Variants in CLVS1 observed in about 807,000 individuals in gnomAD.
The protein encoded by CLVS1 is clavesin-1.
Under a neutral mutation model 33.1 loss-of-function variants are expected in CLVS1, and 10 were observed. The ratio of observed to expected loss-of-function variants is 0.30; its 90% CI spans 0.19 to 0.51. The LOEUF (loss-of-function observed/expected upper bound fraction) is 0.51. CLVS1 is among the 20% of genes least tolerant of loss of function. CLVS1 has a pLI of 0.97. For missense variants in CLVS1, 343 were observed against 433.4 expected (o/e 0.79, Z 1.85); for synonymous variants, 163 against 166.1 (o/e 0.98, Z 0.14).
At chr8:61,075,682 T>C (rs1804897278) in intron 1 of CLVS1, among the ~76,000 whole-genome samples, 2 of 152,238 alleles carry the variant, frequency 1.3e-5, no homozygotes, top group Non-Finnish European at 2.9e-5. Context: ...TACACCCTTT[T>C]TCACCTTCCC....
intron 3 of CLVS1, among the ~76,000 whole-genome samples, chr8:61,438,287 C>T (rs1248935250): frequency 1.3e-5 from 2 of 152,108 alleles, no homozygotes; most frequent in African/African-American, 4.8e-5. Context: ...TGTTTGGTTT[C>T]CTGTTCCTGG....
Position 61,479,347 on chromosome 8 carries a change from T to G in CLVS1, c.978-20108T>G, listed in dbSNP as rs138711304. ...TTTCATTCATTTCATTTTTCATCGC[T>G]GATACCCTTTCTTCCAGTTGATCGC... On this transcript the variant is annotated intron_variant, in intron 5 of 5. Transcript: ENST00000325897. Among the ~76,000 whole-genome samples the G allele has an allele frequency of 4.1e-3, 621 of 152,334 alleles. 4 individuals carry two copies. Among genetic ancestry groups the G allele is most frequent in the African/African-American group, 0.014 (562 of 41,568 alleles).
chr8:61,179,785 G>A (rs1807194495), intron 2 of CLVS1, among the ~76,000 whole-genome samples: 1 of 152,070 alleles, frequency 6.6e-6, no homozygotes, highest in Non-Finnish European at 1.5e-5. Context: ...AGACGTTCTT[G>A]GAAACCAATG....
chr8:61,050,374 C>T, the CLVS1 span, among the ~76,000 whole-genome samples: 3 of 152,216 alleles, frequency 2.0e-5, no homozygotes, highest in Admixed American at 6.5e-5. Context: ...CCCCAATCTA[C>T]GAGGACTCTA....
chr8:61,475,483 C>G (rs188797188), intron 5 of CLVS1, among the ~76,000 whole-genome samples: 4,122 of 152,284 alleles, frequency 0.027, 79 homozygotes, highest in South Asian at 0.065. Context: ...TTAATGATCG[C>G]CATTCTAACT....
intron 1 of CLVS1, among the ~76,000 whole-genome samples, chr8:61,068,769 C>A (rs911069622): frequency 2.6e-5 from 4 of 152,166 alleles, no homozygotes; most frequent in Admixed American, 6.5e-5. Flanking sequence ...GGGTTTGCAT[C>A]CTCTTGTCCT....
In CLVS1 at chr8:61,299,943, G is replaced by T. The variant is rs187032551; in HGVS notation, c.116G>T (p.Arg39Leu). 10 of 1,613,856 alleles carry T rather than the reference G, an allele frequency of 6.2e-6. No homozygotes were observed. The highest frequency in any genetic ancestry group is 8.5e-6 in the Non-Finnish European group (10 of 1,179,972). The change falls in exon 2 of 6, where the codon CGC (arginine) becomes CTC (leucine). Residue 39 changes from arginine (R) to leucine (L), a missense_variant. By Grantham distance (102) the Arg-to-Leu change is moderately radical. This residue lies in a region of CLVS1 where 88 missense variants were observed against 77.3 expected (regional missense o/e 1.14). Coordinates refer to ENST00000325897, the MANE Select transcript of CLVS1 (RefSeq NM_173519.3). ...GLSPETIEKA[R>L]LELNENPDVL... ...AGTCCAGAGACTATAGAGAAAGCTCGCCTGGAACTGAATGAAAACCCCGAT... is the reference window on the plus strand; with the variant it reads ...AGTCCAGAGACTATAGAGAAAGCTCTCCTGGAACTGAATGAAAACCCCGAT...
chr8:61,205,943 T>A (rs540619298), intron 2 of CLVS1, among the ~76,000 whole-genome samples: 20 of 152,330 alleles, frequency 1.3e-4, no homozygotes, highest in Non-Finnish European at 2.8e-4. Context: ...ACTTGACTAG[T>A]TCTGTCTCTT....
chr8:61,271,370 G>A (rs1809434469), intron 2 of CLVS1, among the ~76,000 whole-genome samples: 1 of 150,268 alleles, frequency 6.7e-6, no homozygotes, highest in Non-Finnish European at 1.5e-5. Flanking sequence ...TTGCACTGTG[G>A]TCTGAGAGAT....
At chr8:61,215,450 C>A (rs1808062909) in intron 2 of CLVS1, among the ~76,000 whole-genome samples, 1 of 152,088 alleles carries the variant, frequency 6.6e-6, no homozygotes, top group Admixed American at 6.5e-5. Flanking sequence ...CCTATGAATT[C>A]AAGCTGCTTA....
At chr8:61,444,894 C>T (rs1402103805) in intron 3 of CLVS1, among the ~76,000 whole-genome samples, 1 of 151,960 alleles carries the variant, frequency 6.6e-6, no homozygotes, top group Non-Finnish European at 1.5e-5. Context: ...GAATAGTGGC[C>T]CAGAGCATAG....
At chr8:60,980,086 A>C in the CLVS1 span, among the ~76,000 whole-genome samples, 133 of 152,312 alleles carry the variant, frequency 8.7e-4, no homozygotes, top group South Asian at 0.012. Context: ...TAGGAGGGAG[A>C]AGTAGAACTG....
At chr8:61,285,510 C>A (rs1314486671), upstream of CLVS1, among the ~76,000 whole-genome samples, 1 of 152,182 alleles carries the variant, frequency 6.6e-6, no homozygotes, top group Non-Finnish European at 1.5e-5. Flanking sequence ...CCTCAATGAA[C>A]CCCTTTGTGC....
the CLVS1 span, among the ~76,000 whole-genome samples, chr8:60,968,686 C>T: frequency 2.6e-5 from 4 of 151,732 alleles, no homozygotes; most frequent in South Asian, 2.1e-4. Context: ...GCCAGGGGTT[C>T]GAGACCAGCC....
chr8:61,065,076 T>A (rs1475331781), intron 1 of CLVS1, among the ~76,000 whole-genome samples: 1 of 152,202 alleles, frequency 6.6e-6, no homozygotes, highest in Non-Finnish European at 1.5e-5. Context: ...AGAAATACAG[T>A]TGTCCCTCAG....
At chr8:61,485,604 C>T (rs1201292756) in intron 5 of CLVS1, among the ~76,000 whole-genome samples, 2 of 152,130 alleles carry the variant, frequency 1.3e-5, no homozygotes, top group Admixed American at 6.6e-5. Flanking sequence ...GGAATATACC[C>T]AAAGGATTAT....
intron 1 of CLVS1, among the ~76,000 whole-genome samples, chr8:61,116,775 C>T (rs918553736): frequency 7.0e-6 from 1 of 141,930 alleles, no homozygotes; most frequent in East Asian, 2.2e-4. Flanking sequence ...TTACTGTAGC[C>T]TTGTAGTATA....
intron 1 of CLVS1, among the ~76,000 whole-genome samples, chr8:61,123,723 A>C (rs1261497312): frequency 6.6e-6 from 1 of 152,160 alleles, no homozygotes; most frequent in Non-Finnish European, 1.5e-5. Context: ...GTGTGCATGG[A>C]CTAAAGCCTG....
Position 61,260,837 on chromosome 8 carries a change from G to A in CLVS1, c.-151-38840G>A, listed in dbSNP as rs73684476. On this transcript the variant is annotated intron_variant, in intron 2 of 2. Transcript: ENST00000522621. ...CTGATCCAGAAAGTGAGTCAAGGGG[G>A]AGTAGATAACCATGCTGAGGAAGTT... is the stretch of plus-strand genomic sequence containing the variant. Among the ~76,000 whole-genome samples, 998 of 152,274 alleles carry A rather than the reference G, an allele frequency of 6.6e-3. 12 individuals are homozygous for A. The highest frequency in any genetic ancestry group is 0.022 in the African/African-American group (932 of 41,548).
Sources: gnomAD v4.1 joint callset for allele counts (sites outside exome capture counted in the v4.1 genomes callset) on GRCh38, gnomAD v4.1.1 for gene constraint, gnomAD v4.1.1 regional missense constraint, MANE v1.5 for transcripts, NCBI Gene and HGNC (gene_info 2026-07-23, HGNC 2026-07-21) for gene names.